Variants in ANK2 observed in about 807,000 individuals in gnomAD.
The protein encoded by ANK2 is ankyrin-2.
ANK2 carries 83 observed loss-of-function variants against 360.5 expected under a neutral mutation model. The observed-to-expected ratio is 0.23, with a 90% CI of 0.19 to 0.28. The LOEUF is 0.28. ANK2 is among the 10% of genes least tolerant of loss of function. The pLI, the probability that ANK2 is intolerant of heterozygous loss-of-function variation, is 1.00. For missense variants in ANK2, 4,201 were observed against 4,795.7 expected, an observed-to-expected ratio of 0.88 and a Z score of 3.66; for synonymous variants, 1,740 against 1,759.5, an observed-to-expected ratio of 0.99 and a Z score of 0.28.
chr4:113,046,338 T>C (rs313938), upstream of ANK2, among the ~76,000 whole-genome samples: 9,401 of 152,154 alleles, frequency 0.062, 389 homozygotes, highest in East Asian at 0.13. Context: ...AGGAAGTGCA[T>C]TGTATACAAG....
chr4:113,016,661 T>C (rs976757430), intron 2 of ANK2, among the ~76,000 whole-genome samples: 3 of 152,102 alleles, frequency 2.0e-5, no homozygotes, highest in Admixed American at 6.5e-5. Flanking sequence ...AGTTTTGTCC[T>C]TTTTTAAAGA....
intron 2 of ANK2, among the ~76,000 whole-genome samples, chr4:112,945,382 AC>A (rs2094481498): frequency 6.6e-6 from 1 of 152,236 alleles, no homozygotes. Flanking sequence ...ATTTCTGACT[AC>A]CATTTAGTAT....
At chr4:112,928,846 C>T (rs371840589) in intron 2 of ANK2, among the ~76,000 whole-genome samples, 8 of 151,638 alleles carry the variant, frequency 5.3e-5, no homozygotes, top group Non-Finnish European at 7.4e-5. Flanking sequence ...CCACTCATCC[C>T]GTCTTTAGGT....
At chr4:113,029,910 A>G (rs1401804900) in intron 2 of ANK2, among the ~76,000 whole-genome samples, 1 of 152,182 alleles carries the variant, frequency 6.6e-6, no homozygotes, top group Non-Finnish European at 1.5e-5. Flanking sequence ...ATTAGCATCC[A>G]TACAATTTTA....
At chr4:113,058,869 T>C (rs2071568696) in intron 1 of ANK2, among the ~76,000 whole-genome samples, 1 of 152,182 alleles carries the variant, frequency 6.6e-6, no homozygotes. Flanking sequence ...TTTGGGCTGA[T>C]ATAACAAAGT....
chr4:112,877,378 T>A (rs2075415793), intron 1 of ANK2, among the ~76,000 whole-genome samples: 1 of 152,172 alleles, frequency 6.6e-6, no homozygotes, highest in Non-Finnish European at 1.5e-5. Flanking sequence ...TGAGATAGCA[T>A]CTTACCTGTC....
At chr4:112,961,492 T>G (rs1222746037) in intron 2 of ANK2, among the ~76,000 whole-genome samples, 2 of 152,162 alleles carry the variant, frequency 1.3e-5, no homozygotes, top group Non-Finnish European at 2.9e-5. Context: ...AGTGTGTGTT[T>G]AATAAATTCC....
chr4:113,348,138 A>G, intron 35 of ANK2, 138 bp from the exon 36 acceptor site: 1 of 823,118 alleles, frequency 1.2e-6, no homozygotes, highest in Non-Finnish European at 2.0e-6. Flanking sequence ...TAGTAATAAA[A>G]AAAGAGTATG....
Position 113,122,102 on chromosome 4 carries a change from T to C in ANK2, c.85-52314T>C, listed in dbSNP as rs114910207. On this transcript the variant is annotated intron_variant, in intron 1 of 45. Transcript: ENST00000357077. ...AGAATGAGTTGAAAGTGAATTGTGT[T>C]ATAAGAATGAGTTGAAAGTGTGTTA... is the stretch of plus-strand genomic sequence containing the variant. Among the ~76,000 whole-genome samples the C allele has an allele frequency of 7.7e-3, 1,167 of 152,256 alleles. 18 individuals are homozygous for C. The highest frequency in any genetic ancestry group is 0.027 in the African/African-American group (1,119 of 41,514).
At chr4:112,865,883 A>T (rs1005457651) in intron 1 of ANK2, among the ~76,000 whole-genome samples, 1 of 152,172 alleles carries the variant, frequency 6.6e-6, no homozygotes, top group Non-Finnish European at 1.5e-5. Context: ...CATTGCTCTA[A>T]GTTTTAAAGA....
chr4:112,944,331 G>A (rs751033450), intron 2 of ANK2, among the ~76,000 whole-genome samples: 1 of 152,156 alleles, frequency 6.6e-6, no homozygotes, highest in Non-Finnish European at 1.5e-5. Flanking sequence ...CAGAGGAAGT[G>A]AATTTTGCAG....
intron 1 of ANK2, among the ~76,000 whole-genome samples, chr4:112,840,831 A>G (rs1340717970): frequency 6.6e-6 from 1 of 152,248 alleles, no homozygotes; most frequent in Admixed American, 6.5e-5. Flanking sequence ...AGTATAAGCC[A>G]GGATTCCAAC....
chr4:112,918,232 C>T (rs2090471322), intron 2 of ANK2, among the ~76,000 whole-genome samples: 1 of 152,150 alleles, frequency 6.6e-6, no homozygotes, highest in Admixed American at 6.5e-5. Flanking sequence ...CTCAGCCAAG[C>T]TCAGTGGACT....
At chr4:112,939,158 A>G (rs948959912) in intron 2 of ANK2, among the ~76,000 whole-genome samples, 1 of 152,162 alleles carries the variant, frequency 6.6e-6, no homozygotes, top group Non-Finnish European at 1.5e-5. Flanking sequence ...TAAAATTGTA[A>G]TGGTTTATGG....
At chr4:113,188,228 C>T (rs1562744952) in intron 2 of ANK2, among the ~76,000 whole-genome samples, 4 of 152,150 alleles carry the variant, frequency 2.6e-5, no homozygotes, top group Non-Finnish European at 1.5e-5. Flanking sequence ...TGGACAAGTA[C>T]TAACAAGTAT....
chr4:113,134,521 A>G (rs2096275596), intron 1 of ANK2, among the ~76,000 whole-genome samples: 1 of 152,054 alleles, frequency 6.6e-6, no homozygotes, highest in Admixed American at 6.6e-5. Flanking sequence ...GTATGGAATA[A>G]TAATAAACTG....
At chr4:113,112,138 G>T (rs183465605) in intron 1 of ANK2, among the ~76,000 whole-genome samples, 278 of 152,232 alleles carry the variant, frequency 1.8e-3, no homozygotes, top group Admixed American at 6.0e-3. Flanking sequence ...TCAATCCCTA[G>T]GCTTTCAGTT....
chr4:113,374,510 T>A, intron 45 of ANK2, among the ~76,000 whole-genome samples: 1 of 152,232 alleles, frequency 6.6e-6, no homozygotes, highest in Non-Finnish European at 1.5e-5. Flanking sequence ...AGCAGTTTCT[T>A]ATTCACAAAA....
chr4:113,307,324 T>C (rs2153809678), intron 23 of ANK2, among the ~76,000 whole-genome samples: 1 of 152,226 alleles, frequency 6.6e-6, no homozygotes, highest in South Asian at 2.1e-4. Flanking sequence ...GGAATAATGC[T>C]TGCTTGAGAG....
Sources: gnomAD v4.1 joint callset for allele counts (sites outside exome capture counted in the v4.1 genomes callset) on GRCh38, gnomAD v4.1.1 for gene constraint, MANE v1.5 for transcripts, NCBI Gene and HGNC (gene_info 2026-07-23, HGNC 2026-07-21) for gene names.